LRRC32: variants seen among roughly 807,000 people sequenced by gnomAD.
The protein encoded by LRRC32 is leucine rich repeat containing 32.
A neutral mutation model predicts 15.0 loss-of-function variants in LRRC32; 5 were observed. The ratio of observed to expected loss-of-function variants is 0.33; its 90% CI spans 0.17 to 0.70. LRRC32 has a LOEUF of 0.70. LRRC32 is among the 30% of genes least tolerant of loss of function. The pLI, the probability that LRRC32 is intolerant of heterozygous loss-of-function variation, is 0.66. For synonymous variants in LRRC32, 391 were observed against 403.9 expected (o/e 0.97, Z 0.38); for missense variants, 803 against 854.2 (o/e 0.94, Z 0.75).
rs1952527323 is a variant in LRRC32, at chr11:76,661,292, G to A, written c.301C>T (p.His101Tyr). The change falls in exon 3 of 3, where the codon CAC becomes TAC. Residue 101 changes from histidine to tyrosine, a missense_variant. Transcript: ENST00000260061. ...AGCCGGTTGTGAGCCAGGCTGAGGT[G>A]CTCCAGGTGGGTCAGGGCCTGGAAG... ...GAFQALTHLE[H>Y]LSLAHNRLAM... The A allele has an allele frequency of 6.2e-7, 1 of 1,614,198 alleles. No individual in the cohort carries two copies. The highest frequency in any genetic ancestry group is 8.5e-7 in the Non-Finnish European group (1 of 1,180,036).
At position 76,660,667 on chromosome 11, in the gene LRRC32, G is replaced by A. The variant is rs1423137127; in HGVS notation, c.926C>T (p.Ala309Val). 1.9e-6 allele frequency: 3 copies of A among 1,614,086 alleles called. No individual in the cohort carries two copies. In the South Asian group the frequency reaches 3.3e-5, roughly 18 times the overall value. Residue 309 changes from alanine (A) to valine (V), a missense_variant, in exon 3 of 3, where the codon GCC (alanine) becomes GTC (valine). By Grantham distance (64) the Ala-to-Val change is moderately conservative. Coordinates refer to ENST00000260061, the MANE Select transcript of LRRC32 (RefSeq NM_001128922.2). ...ALPLSAPSGN[A>V]SGRPLSQLLN... ...GAGCTGGGAAAGGGGGCGGCCGCTG[G>A]CATTCCCGCTGGGGGCTGAGAGGGG...
chr11:76,660,675 G>C lies in LRRC32; in HGVS notation c.918C>G (p.Ser306Arg), dbSNP rs375560703. 1.2e-5 allele frequency: 20 copies of C among 1,614,092 alleles called. No homozygotes were observed. The highest frequency in any genetic ancestry group is 1.7e-5 in the Non-Finnish European group (20 of 1,180,002). The change falls in exon 3 of 3, where the codon AGC becomes AGG. Residue 306 changes from serine to arginine, a missense_variant. Ser to Arg is a moderately radical substitution (Grantham distance 110). Transcript: ENST00000260061. The part of the protein sequence containing the change: ...GWSALPLSAP[S>R]GNASGRPLSQ... ...AAAGGGGGCGGCCGCTGGCATTCCC[G>C]CTGGGGGCTGAGAGGGGCAGGGCTG...
intron 1 of LRRC32, among the ~76,000 whole-genome samples, chr11:76,667,675 G>C (rs975531394): frequency 6.6e-6 from 1 of 152,224 alleles, no homozygotes; most frequent in Non-Finnish European, 1.5e-5. Flanking sequence ...GCCACCGCCC[G>C]TTAGAAAGTT....
intron 2 of LRRC32, among the ~76,000 whole-genome samples, chr11:76,664,096 C>T (rs569876600): frequency 3.9e-5 from 6 of 152,304 alleles, no homozygotes; most frequent in Admixed American, 1.3e-4. Flanking sequence ...GTGTTACCCC[C>T]GGGCAAGTGC....
Position 76,661,437 on chromosome 11 carries a change from C to T in LRRC32, c.156G>A (p.Glu52=). The T allele has an allele frequency of 1.9e-6, 3 of 1,614,038 alleles. No homozygotes were observed. Among genetic ancestry groups the T allele is most frequent in the Non-Finnish European group, 2.5e-6 (3 of 1,179,948 alleles). Residue 52 remains glutamate (E), a synonymous_variant, in exon 3 of 3, where the codon GAG becomes GAA. Coordinates refer to ENST00000260061, the MANE Select transcript of LRRC32 (RefSeq NM_001128922.2). ...QVPSVLPPDT[E]TLDLSGNQLR... Reference sequence around the variant, plus strand: ...GCTGGTTCCCAGATAGATCAAGGGTCTCAGTGTCTGGCGGGAGCACCGAGG... The same window carrying T: ...GCTGGTTCCCAGATAGATCAAGGGTTTCAGTGTCTGGCGGGAGCACCGAGG...
At chr11:76,666,040 G>A in intron 1 of LRRC32, 82 bp from the exon 2 acceptor site, 2 of 1,305,354 alleles carry the variant, frequency 1.5e-6, no homozygotes, top group South Asian at 2.4e-5. Context: ...CACCCATTCT[G>A]TGCCTGCCCT....
chr11:76,668,796 T>C (rs1299795158), intron 1 of LRRC32, among the ~76,000 whole-genome samples: 1 of 152,136 alleles, frequency 6.6e-6, no homozygotes, highest in Non-Finnish European at 1.5e-5. Flanking sequence ...TAGGCCCTTA[T>C]TTCCCCTTCC....
intron 2 of LRRC32, among the ~76,000 whole-genome samples, chr11:76,661,867 G>C (rs987934843): frequency 9.9e-5 from 15 of 152,222 alleles, no homozygotes; most frequent in African/African-American, 3.6e-4. Context: ...ATCCCACAGA[G>C]TGACCCCAAG....
Position 76,667,783 on chromosome 11 carries a change from C to T in LRRC32, c.-4-1825G>A, listed in dbSNP as rs546201236. On this transcript the variant is annotated intron_variant, in intron 1 of 2. Transcript: ENST00000260061. ...CCAGCTCTGCTCTCCAGCCTGCTTC[C>T]CCGGTGTCCCCTCTCACATTCTGGG... 1.1e-4 allele frequency among the ~76,000 whole-genome samples: 17 copies of T among 152,374 alleles called. No homozygotes were observed. In the East Asian group the frequency reaches 3.1e-3, roughly 28 times the overall value.
chr11:76,659,748 G>T lies in LRRC32; in HGVS notation c.1845C>A (p.Pro615=), dbSNP rs4304809. The T allele has an allele frequency of 2.5e-6, 4 of 1,614,224 alleles. No individual in the cohort carries two copies. Among genetic ancestry groups the T allele is most frequent in the Non-Finnish European group, 3.4e-6 (4 of 1,180,040 alleles). The change falls in exon 3 of 3, where the codon CCC becomes CCA. Residue 615 remains proline, a synonymous_variant. Transcript: ENST00000260061. ...TCAGTCCCCCCTTCTCACAGTCCTC[G>T]GGACGCACGTGGCTCAGGGACACCT... The part of the protein sequence containing the change: ...QEEVSLSHVR[P]EDCEKGGLKN...
At position 76,661,271 on chromosome 11, in the gene LRRC32, G is replaced by A. The variant is rs980832833; in HGVS notation, c.322C>T (p.Arg108Trp). The A allele has an allele frequency of 1.9e-5, 31 of 1,613,998 alleles. No homozygotes were observed. The highest frequency in any genetic ancestry group is 3.3e-5 in the South Asian group (3 of 91,090). The change falls in exon 3 of 3, where the codon CGG (arginine) becomes TGG (tryptophan). Residue 108 changes from arginine (R) to tryptophan (W), a missense_variant. By Grantham distance (101) the Arg-to-Trp change is moderately radical. Transcript: ENST00000260061. Reference protein sequence around the residue: ...HLEHLSLAHNRLAMATALSAG... With the variant: ...HLEHLSLAHNWLAMATALSAG... Reference sequence around the variant, plus strand: ...CTCAGCGCAGTGGCCATCGCCAGCCGGTTGTGAGCCAGGCTGAGGTGCTCC... The same window carrying A: ...CTCAGCGCAGTGGCCATCGCCAGCCAGTTGTGAGCCAGGCTGAGGTGCTCC...
chr11:76,669,579 C>T (rs554686658), intron 1 of LRRC32, among the ~76,000 whole-genome samples: 28 of 152,178 alleles, frequency 1.8e-4, no homozygotes, highest in African/African-American at 6.0e-4. Context: ...AAAACAGTTT[C>T]CGGAAAGTGA....
intron 1 of LRRC32, 64 bp from the exon 2 acceptor site, chr11:76,666,022 C>T (rs1180736380): frequency 1.4e-6 from 2 of 1,423,128 alleles, no homozygotes; most frequent in African/African-American, 2.8e-5. Flanking sequence ...ACTGCCAGCC[C>T]CCACTCCCAC....
At chr11:76,667,112 A>C (rs1590772399) in intron 1 of LRRC32, among the ~76,000 whole-genome samples, 1 of 152,276 alleles carries the variant, frequency 6.6e-6, no homozygotes, top group Admixed American at 6.5e-5. Context: ...GAATCAAACG[A>C]GATGCCACCT....
intron 2 of LRRC32, chr11:76,662,988 T>A (rs1952563115): frequency 6.6e-6 from 1 of 152,270 alleles, no homozygotes; most frequent in Admixed American, 6.5e-5. Flanking sequence ...CCCAACCAGA[T>A]CCACACATGA....
rs373298471 is a variant in LRRC32, at chr11:76,660,720, G to T, written c.873C>A (p.His291Gln). The change falls in exon 3 of 3, where the codon CAC becomes CAA. Residue 291 changes from histidine to glutamine, a missense_variant. Transcript: ENST00000260061. The stretch of plus-strand genomic sequence containing the variant: ...GGGCTGACCAGCCCTCGGAAGGTGC[G>T]TGGATGCCCTTGCTGTCCTGGGGTG... ...TGPPQDSKGI[H>Q]APSEGWSALP... The T allele has an allele frequency of 4.3e-6, 7 of 1,614,142 alleles. No homozygotes were observed. The highest frequency in any genetic ancestry group is 2.2e-5 in the South Asian group (2 of 91,078).
intron 2 of LRRC32, chr11:76,663,438 C>T (rs1367587252): frequency 2.0e-5 from 3 of 152,182 alleles, no homozygotes; most frequent in African/African-American, 7.2e-5. Flanking sequence ...CGGTGTGTTC[C>T]TCCCCTGGTC....
intron 1 of LRRC32, among the ~76,000 whole-genome samples, chr11:76,666,784 A>G (rs1565406813): frequency 6.6e-6 from 1 of 152,260 alleles, no homozygotes; most frequent in Non-Finnish European, 1.5e-5. Flanking sequence ...AGGGATGTAC[A>G]AATCCACCCA....
rs1028552709 is a variant in LRRC32 at position 76,658,682 on chromosome 11, A to G, written c.*922T>C. The G allele has an allele frequency of 2.0e-5, 3 of 152,804 alleles. No homozygotes were observed. The highest frequency in any genetic ancestry group is 7.2e-5 in the African/African-American group (3 of 41,472). 9.5% of individuals were successfully genotyped at this position (152,804 alleles called of 1,614,324 possible). A position where few individuals can be genotyped will look rare whatever the true frequency, so the allele number is the denominator to read the frequency against. ...ATATAGAGCTGTCACATAGGGGCAG[A>G]CACAAGGCTTGGATTCAAATCCACA... On this transcript the variant is annotated 3_prime_UTR_variant, in exon 3 of 3. Transcript: ENST00000260061.
Sources: gnomAD v4.1 joint callset for allele counts (sites outside exome capture counted in the v4.1 genomes callset) on GRCh38, gnomAD v4.1.1 for gene constraint, MANE v1.5 for transcripts, NCBI Gene and HGNC (gene_info 2026-07-23, HGNC 2026-07-21) for gene names.